The following KIF2A variants were observed in gnomAD, a reference collection of about 807,000 sequenced individuals.
The protein encoded by KIF2A is kinesin family member 2A, also known as kinesin-like protein KIF2A.
Under a neutral mutation model 100.2 loss-of-function variants are expected in KIF2A, and 22 were observed. The ratio of observed to expected loss-of-function variants is 0.22; its 90% CI spans 0.16 to 0.31. KIF2A has a LOEUF of 0.31. KIF2A is among the 10% of genes least tolerant of loss of function. The pLI is 1.00. For missense variants in KIF2A, 495 were observed against 898.7 expected, an observed-to-expected ratio of 0.55 and a Z score of 5.74; for synonymous variants, 268 against 285.9, an observed-to-expected ratio of 0.94 and a Z score of 0.63.
chr5:62,354,212 A>G (rs1747989058), intron 6 of KIF2A, among the ~76,000 whole-genome samples: 1 of 152,152 alleles, frequency 6.6e-6, no homozygotes, highest in African/African-American at 2.4e-5. Flanking sequence ...ATAATAAAAC[A>G]TATTATCTAC....
At chr5:62,337,565 G>T (rs1747030358) in intron 1 of KIF2A, among the ~76,000 whole-genome samples, 2 of 152,172 alleles carry the variant, frequency 1.3e-5, no homozygotes, top group South Asian at 4.2e-4. Flanking sequence ...GGGAGCAGTG[G>T]CTCACACCTG....
chr5:62,348,829 G>A (rs1747703696), intron 3 of KIF2A, among the ~76,000 whole-genome samples: 2 of 133,806 alleles, frequency 1.5e-5, no homozygotes, highest in Admixed American at 1.5e-4. Context: ...ATCTCAACAA[G>A]CATTTGTGGT....
In KIF2A at chr5:62,389,805, A is replaced by C. The variant is rs1162591036; in HGVS notation, c.*4236A>C. On this transcript the variant is annotated 3_prime_UTR_variant, in exon 21 of 21. Coordinates refer to ENST00000407818, the MANE Select transcript of KIF2A (RefSeq NM_001098511.3). Reference sequence around the variant, plus strand: ...CTCTCTGTAGATACCTATGTACTTAATAGATTCTAGTTAGTAAACTGCACA... The same window carrying C: ...CTCTCTGTAGATACCTATGTACTTACTAGATTCTAGTTAGTAAACTGCACA... Among the ~76,000 whole-genome samples, 1 of 152,200 alleles carries C rather than the reference A, an allele frequency of 6.6e-6. No homozygotes were observed. The highest frequency in any genetic ancestry group is 2.4e-5 in the African/African-American group (1 of 41,446).
chr5:62,384,509 G>C (rs1408112450), intron 20 of KIF2A, among the ~76,000 whole-genome samples: 1 of 152,068 alleles, frequency 6.6e-6, no homozygotes, highest in Non-Finnish European at 1.5e-5. Flanking sequence ...GTTGGTCTCT[G>C]TCCACTACAT....
At chr5:62,356,711 T>A (rs538135094) in intron 7 of KIF2A, among the ~76,000 whole-genome samples, 1 of 152,252 alleles carries the variant, frequency 6.6e-6, no homozygotes, top group Non-Finnish European at 1.5e-5. Context: ...GATCAACCTA[T>A]GAAAATATGT....
At chr5:62,368,660 C>T (rs973655005) in intron 16 of KIF2A, among the ~76,000 whole-genome samples, 7 of 151,736 alleles carry the variant, frequency 4.6e-5, no homozygotes, top group African/African-American at 1.2e-4. Context: ...ATCTGTAGTC[C>T]CAGCCACTTG....
intron 1 of KIF2A, among the ~76,000 whole-genome samples, chr5:62,312,251 T>C (rs890887491): frequency 7.9e-5 from 12 of 152,210 alleles, no homozygotes; most frequent in Admixed American, 5.9e-4. Flanking sequence ...GGGGAAAGGC[T>C]ATGTGTCAAC....
At chr5:62,337,254 G>A (rs534521617) in intron 1 of KIF2A, among the ~76,000 whole-genome samples, 6 of 152,284 alleles carry the variant, frequency 3.9e-5, no homozygotes, top group Non-Finnish European at 7.3e-5. Context: ...CACATTGGGA[G>A]GCCAAGGTGG....
intron 16 of KIF2A, among the ~76,000 whole-genome samples, chr5:62,366,890 T>G (rs1326198194): frequency 6.6e-6 from 1 of 152,170 alleles, no homozygotes; most frequent in African/African-American, 2.4e-5. Context: ...TTCTTTCAAT[T>G]TTCAAGAAAA....
In KIF2A at chr5:62,366,630, G is replaced by A. The variant is rs247226; in HGVS notation, c.1646+149G>A. 0.24 allele frequency: 121,834 copies of A among 518,394 alleles called. 15,152 individuals carry two copies. The highest frequency in any genetic ancestry group is 0.27 in the Middle Eastern group (533 of 1,944). 32.1% of individuals were successfully genotyped at this position (518,394 alleles called of 1,614,324 possible). A position where few individuals can be genotyped will look rare whatever the true frequency, so the allele number is the denominator to read the frequency against. ...GCGGATCACAAGGTCAGGAGATCGAGATTATCCTGGCTAACATGGTGAAAC... is the reference window on the plus strand; with the variant it reads ...GCGGATCACAAGGTCAGGAGATCGAAATTATCCTGGCTAACATGGTGAAAC... On this transcript the variant is annotated intron_variant, in intron 16 of 20. Coordinates refer to ENST00000407818, the MANE Select transcript of KIF2A (RefSeq NM_001098511.3).
intron 18 of KIF2A, among the ~76,000 whole-genome samples, chr5:62,377,292 A>C (rs971726723): frequency 2.0e-5 from 3 of 152,208 alleles, no homozygotes; most frequent in African/African-American, 7.2e-5. Context: ...ATGTAAATTA[A>C]ATTGTTAGTG....
In KIF2A at chr5:62,315,795, T is replaced by G. The variant is rs117137918; in HGVS notation, c.64+9259T>G. Among the ~76,000 whole-genome samples the G allele has an allele frequency of 4.1e-4, 62 of 152,196 alleles. No individual in the cohort carries two copies. In the East Asian group the frequency reaches 7.5e-3, roughly 18 times the overall value. The stretch of plus-strand genomic sequence containing the variant: ...TAGGAGTTAGTGATTAGTGATAGAT[T>G]AGAGGGAGCATAGTACTGAAAATGA... On this transcript the variant is annotated intron_variant, in intron 1 of 20. Coordinates refer to ENST00000407818, the MANE Select transcript of KIF2A (RefSeq NM_001098511.3).
chr5:62,362,961 C>T (rs894707345), intron 12 of KIF2A, among the ~76,000 whole-genome samples: 4 of 151,996 alleles, frequency 2.6e-5, no homozygotes, highest in Non-Finnish European at 4.4e-5. Context: ...CTAGTAGCTG[C>T]GACTATAGGC....
intron 16 of KIF2A, 37 bp downstream of exon 16, chr5:62,366,518 G>T (rs376647694): frequency 1.7e-6 from 2 of 1,196,352 alleles, no homozygotes; most frequent in Non-Finnish European, 1.2e-6. Flanking sequence ...AATTTGAGGG[G>T]AGTACAGCAG....
intron 1 of KIF2A, among the ~76,000 whole-genome samples, chr5:62,315,989 C>CGA (rs1554038482): frequency 6.6e-6 from 1 of 152,170 alleles, no homozygotes; most frequent in Non-Finnish European, 1.5e-5. Context: ...TTTGCAAAGT[C>CGA]TGAGTATAGC....
rs79686531 is a variant in KIF2A, at chr5:62,308,549, C to T, written c.64+2013C>T. ...TAAAGAAATTATGTGTGTGTGTATA[C>T]GTTTATGTGTGTGTATAGACAATGT... On this transcript the variant is annotated intron_variant, in intron 1 of 20. Coordinates refer to ENST00000407818, the MANE Select transcript of KIF2A (RefSeq NM_001098511.3). The T allele has an allele frequency of 2.0e-3, 1,394 of 702,702 alleles. 3 individuals are homozygous for T. Among genetic ancestry groups the T allele is most frequent in the Non-Finnish European group, 3.2e-3 (1,231 of 385,160 alleles). The allele number at this position is 702,702 out of a possible 1,614,324, so 43.5% of individuals were successfully genotyped here.
At chr5:62,315,081 C>T (rs577202734) in intron 1 of KIF2A, among the ~76,000 whole-genome samples, 7 of 151,926 alleles carry the variant, frequency 4.6e-5, no homozygotes, top group East Asian at 1.9e-4. Context: ...GCATTTTGAC[C>T]GCAACCCATC....
At chr5:62,318,837 C>T (rs546499171) in intron 1 of KIF2A, among the ~76,000 whole-genome samples, 5 of 152,156 alleles carry the variant, frequency 3.3e-5, no homozygotes, top group Non-Finnish European at 2.9e-5. Flanking sequence ...TGGATTACTG[C>T]ATATCTCCAT....
intron 1 of KIF2A, among the ~76,000 whole-genome samples, chr5:62,315,251 A>C (rs1301677331): frequency 1.2e-5 from 1 of 83,228 alleles, no homozygotes; most frequent in African/African-American, 4.5e-5. Flanking sequence ...AAACAGACCA[A>C]AAAAAAAAAA....
Sources: allele counts gnomAD v4.1 joint callset (sites outside exome capture counted in the v4.1 genomes callset), GRCh38; gene constraint gnomAD v4.1.1; transcripts MANE v1.5; gene names NCBI Gene and HGNC (gene_info 2026-07-23, HGNC 2026-07-21).